ZNF764: variants seen among roughly 807,000 people sequenced by gnomAD.
ZNF764 encodes the protein zinc finger protein 764.
In ZNF764, 10 loss-of-function variants were observed where a neutral mutation model predicts 13.9. The observed-to-expected ratio is 0.72, with a 90% CI of 0.44 to 1.22. ZNF764 has a LOEUF of 1.22. ZNF764 is among the 50% of genes most tolerant of loss of function. ZNF764 has a pLI of 0.00. For synonymous variants in ZNF764, 313 were observed against 255.1 expected, an observed-to-expected ratio of 1.23 and a Z score of -2.16; for missense variants, 647 against 589.7, an observed-to-expected ratio of 1.10 and a Z score of -1.01.
rs923045232 is a variant in ZNF764, at chr16:30,555,103, C to G, written c.*91G>C. 2.1e-6 allele frequency: 3 copies of G among 1,456,886 alleles called. No homozygotes were observed. Among genetic ancestry groups the G allele is most frequent in the Non-Finnish European group, 2.8e-6 (3 of 1,084,594 alleles). 90.2% of individuals were successfully genotyped at this position (1,456,886 alleles called of 1,614,324 possible). ...CCAGGGCCAGCTCTTGCCCTAGATT[C>G]TGGGACCTCCCTGCAGGCCGCCGCA... On this transcript the variant is annotated 3_prime_UTR_variant, in exon 3 of 3. Coordinates refer to ENST00000395091, the MANE Select transcript of ZNF764 (RefSeq NM_001172679.2).
rs1434831443 is a variant in ZNF764 at position 30,555,796 on chromosome 16, C to T, written c.622G>A (p.Gly208Ser). The change falls in exon 3 of 3, where the codon GGC (glycine) becomes AGC (serine). Residue 208 changes from glycine (G) to serine (S), a missense_variant. Gly to Ser is a moderately conservative substitution (Grantham distance 56, BLOSUM62 0). Transcript: ENST00000395091. ...GAGGAAGCGTGGCCGAAGCCCTTGC[C>T]GCAGTCAGTGCAGTGGAAGGGCTTC... is the stretch of plus-strand genomic sequence containing the variant. The part of the protein sequence containing the change: ...GEKPFHCTDC[G>S]KGFGHASSLS... The T allele has an allele frequency of 3.7e-6, 6 of 1,610,804 alleles. No individual in the cohort carries two copies. Among genetic ancestry groups the T allele is most frequent in the Non-Finnish European group, 5.1e-6 (6 of 1,179,816 alleles).
Position 30,558,229 on chromosome 16 carries a change from G to T in ZNF764, c.-47C>A. The stretch of plus-strand genomic sequence containing the variant: ...CGGATCGGCTGCCTCCCCTGGCCTG[G>T]CCTGGGCCTGCGGAACCTCCTGCGC... On this transcript the variant is annotated 5_prime_UTR_variant, in exon 1 of 3. Coordinates refer to ENST00000395091, the MANE Select transcript of ZNF764 (RefSeq NM_001172679.2). 6.7e-7 allele frequency: 1 copy of T among 1,483,762 alleles called. No individual in the cohort carries two copies. The highest frequency in any genetic ancestry group is 1.3e-5 in the South Asian group (1 of 75,264). 91.9% of individuals were successfully genotyped at this position (1,483,762 alleles called of 1,614,324 possible).
rs1191103614 is a variant in ZNF764 at position 30,555,893 on chromosome 16, G to A, written c.525C>T (p.Gly175=). Residue 175 remains glycine (G), a synonymous_variant, in exon 3 of 3, where the codon GGC becomes GGT. Coordinates refer to ENST00000395091, the MANE Select transcript of ZNF764 (RefSeq NM_001172679.2). ...PPVPRADQRH[G]CYVCGKSFAW... is the part of the protein sequence containing the mutation. ...CAAAGCTCTTCCCGCACACGTAGCA[G>A]CCATGACGCTGGTCAGCTCGGGGGA... 2 of 1,612,260 alleles carry A rather than the reference G, an allele frequency of 1.2e-6. No individual in the cohort carries two copies. Among genetic ancestry groups the A allele is most frequent in the Non-Finnish European group, 1.7e-6 (2 of 1,179,340 alleles).
At position 30,555,920 on chromosome 16, in the gene ZNF764, A is replaced by G. The variant is rs766828887; in HGVS notation, c.498T>C (p.Pro166=). The G allele has an allele frequency of 7.9e-7, 1 of 1,266,244 alleles. No individual in the cohort carries two copies. The highest frequency in any genetic ancestry group is 1.9e-5 in the Admixed American group (1 of 53,968). 78.4% of individuals were successfully genotyped at this position (1,266,244 alleles called of 1,614,324 possible). ...CATGACGCTGGTCAGCTCGGGGGAC[A>G]GGGGGGTGGGCACAGAGGGAGGGGC... The part of the protein sequence containing the change: ...RGRPSLCAHP[P]VPRADQRHGC... Residue 166 remains proline (P), a synonymous_variant, in exon 3 of 3, where the codon CCT becomes CCC. Coordinates refer to ENST00000395091, the MANE Select transcript of ZNF764 (RefSeq NM_001172679.2).
chr16:30,554,663 C>G lies in ZNF764; in HGVS notation c.*531G>C, dbSNP rs1313092485. The G allele has an allele frequency of 6.6e-6, 1 of 152,256 alleles. No individual in the cohort carries two copies. The highest frequency in any genetic ancestry group is 6.6e-5 in the Admixed American group (1 of 15,238). 9.4% of individuals were successfully genotyped at this position (152,256 alleles called of 1,614,324 possible). A position where few individuals can be genotyped will look rare whatever the true frequency, so the allele number is the denominator to read the frequency against. ...GGCCGTAGTGTTGCCCGCCTGTAGT[C>G]TCAGATATTTGGAAGGCTGATGGGA... On this transcript the variant is annotated 3_prime_UTR_variant, in exon 3 of 3. Coordinates refer to ENST00000395091, the MANE Select transcript of ZNF764 (RefSeq NM_001172679.2).
At chr16:30,556,962 C>T (rs2051561944) in intron 2 of ZNF764, among the ~76,000 whole-genome samples, 2 of 151,996 alleles carry the variant, frequency 1.3e-5, no homozygotes, top group Admixed American at 1.3e-4. Context: ...TGGTGAAACC[C>T]CATCTCTACT....
rs116464220 is a variant in ZNF764 at position 30,557,582 on chromosome 16, T to C, written c.310+151A>G. 6.8e-3 allele frequency: 8,009 copies of C among 1,185,054 alleles called. 382 individuals are homozygous for C. In the African/African-American group the frequency reaches 0.11, roughly 16 times the overall value. The allele number at this position is 1,185,054 out of a possible 1,614,324, so 73.4% of individuals were successfully genotyped here. Reference sequence around the variant, plus strand: ...TCACAGCTCCTTTCTAGGCTGCATCTGGGAGCCACGCAGGGGCTCAGCCTC... The same window carrying C: ...TCACAGCTCCTTTCTAGGCTGCATCCGGGAGCCACGCAGGGGCTCAGCCTC... On this transcript the variant is annotated intron_variant, in intron 2 of 2. Transcript: ENST00000395091.
At chr16:30,557,045 C>T (rs1446121294) in intron 2 of ZNF764, among the ~76,000 whole-genome samples, 2 of 151,288 alleles carry the variant, frequency 1.3e-5, no homozygotes, top group Non-Finnish European at 2.9e-5. Flanking sequence ...GAGGCTGAGG[C>T]GGGAGAATGG....
chr16:30,557,721 C>CTG lies in ZNF764; in HGVS notation c.310+11_310+12insCA, dbSNP rs2051568419. 6.2e-7 allele frequency: 1 copy of CTG among 1,613,284 alleles called. No individual in the cohort carries two copies. Among genetic ancestry groups the CTG allele is most frequent in the African/African-American group, 1.3e-5 (1 of 74,992 alleles). ...GAGAAGTCCCCATGGGACTGAGCAC[C>CTG]CGATACTCCACCTGGGTCCGTTTGT... On this transcript the variant is annotated intron_variant, in intron 2 of 2. Transcript: ENST00000395091.
At chr16:30,556,146 C>T (rs777035610) in intron 2 of ZNF764, 39 bp from the exon 3 acceptor site, 11 of 1,605,046 alleles carry the variant, frequency 6.9e-6, no homozygotes, top group Non-Finnish European at 7.6e-6. Flanking sequence ...AGGCTCGGCT[C>T]ATCCTGGTCC....
chr16:30,557,671 A>T, intron 2 of ZNF764, 62 bp downstream of exon 2: 1 of 1,590,746 alleles, frequency 6.3e-7, no homozygotes, highest in East Asian at 2.3e-5. Flanking sequence ...GAGGTGGCAG[A>T]GGGTACCGGG....
chr16:30,555,636 G>T lies in ZNF764; in HGVS notation c.782C>A (p.Ala261Asp), dbSNP rs776448500. 3.2e-6 allele frequency: 5 copies of T among 1,539,082 alleles called. No homozygotes were observed. In the South Asian group the frequency reaches 4.8e-5, roughly 15 times the overall value. ...CTGGCTGAAGCGGCGGCCACAGTCG[G>T]CGCAGCCATAGGGTTTCTCGCCGGT... ...VHTGEKPYGCADCGRRFSQSS... is the reference protein window; with the variant it reads ...VHTGEKPYGCDDCGRRFSQSS... Residue 261 changes from alanine (A) to aspartate (D), a missense_variant, in exon 3 of 3, where the codon GCC becomes GAC. Physicochemically the swap from Ala to Asp is moderately radical, Grantham distance 126. Transcript: ENST00000395091.
chr16:30,555,471 C>T lies in ZNF764; in HGVS notation c.947G>A (p.Cys316Tyr), dbSNP rs752584222. Residue 316 changes from cysteine (C) to tyrosine (Y), a missense_variant, in exon 3 of 3, where the codon TGC becomes TAC. Physicochemically the swap from Cys to Tyr is radical, Grantham distance 194 (BLOSUM62 -2). Coordinates refer to ENST00000395091, the MANE Select transcript of ZNF764 (RefSeq NM_001172679.2). ...GCGGAAGCAGCGCCCGCAGTCCGGG[C>T]ACGGGTAGGGCTTCTCGCCGGTGTG... ...RTHTGEKPYP[C>Y]PDCGRCFRQS... 1.3e-6 allele frequency: 2 copies of T among 1,558,136 alleles called. No homozygotes were observed. Among genetic ancestry groups the T allele is most frequent in the East Asian group, 2.3e-5 (1 of 44,164 alleles).
At position 30,555,529 on chromosome 16, in the gene ZNF764, A is replaced by G; in HGVS notation, c.889T>C (p.Tyr297His). 2.6e-6 allele frequency: 4 copies of G among 1,529,702 alleles called. No individual in the cohort carries two copies. The highest frequency in any genetic ancestry group is 3.5e-6 in the Non-Finnish European group (4 of 1,144,636). The allele number at this position is 1,529,702 out of a possible 1,614,324, so 94.8% of individuals were successfully genotyped here. The change falls in exon 3 of 3, where the codon TAC becomes CAC. Residue 297 changes from tyrosine (Y) to histidine (H), a missense_variant. Transcript: ENST00000395091. ...ACGTGGCGCCGCAGGTCCGAGGGGTAGGCGAAGGCGCGGCCACAGTCCGGG... is the reference window on the plus strand; with the variant it reads ...ACGTGGCGCCGCAGGTCCGAGGGGTGGGCGAAGGCGCGGCCACAGTCCGGG... Reference protein sequence around the residue: ...PCPDCGRAFAYPSDLRRHVRT... With the variant: ...PCPDCGRAFAHPSDLRRHVRT...
rs1313309099 is a variant in ZNF764 at position 30,555,664 on chromosome 16, G to A, written c.754C>T (p.His252Tyr). The A allele has an allele frequency of 6.5e-7, 1 of 1,548,806 alleles. No individual in the cohort carries two copies. Among genetic ancestry groups the A allele is most frequent in the Non-Finnish European group, 8.7e-7 (1 of 1,151,108 alleles). Residue 252 changes from histidine to tyrosine, a missense_variant, in exon 3 of 3, where the codon CAC (histidine) becomes TAC (tyrosine). Transcript: ENST00000395091. ...RSALTSHLRV[H>Y]TGEKPYGCAD... ...CAGCCATAGGGTTTCTCGCCGGTGT[G>A]GACGCGCAGGTGCGAAGTCAGCGCC...
Position 30,554,505 on chromosome 16 carries a change from ATGG to A in ZNF764, c.*686_*688del, listed in dbSNP as rs2051531269. 1 of 152,244 alleles carries A rather than the reference ATGG, an allele frequency of 6.6e-6. No individual in the cohort carries two copies. Among genetic ancestry groups the A allele is most frequent in the African/African-American group, 2.4e-5 (1 of 41,404 alleles). 9.4% of individuals were successfully genotyped at this position (152,244 alleles called of 1,614,324 possible). A position where few individuals can be genotyped will look rare whatever the true frequency, so the allele number is the denominator to read the frequency against. On this transcript the variant is annotated 3_prime_UTR_variant, in exon 3 of 3. Transcript: ENST00000395091. Reference sequence around the variant, plus strand: ...CACACAAAGACAATGGAAGCCAGGCATGGTGGTAGCTCACGCCTGTAATCCCAG... The same window carrying A: ...CACACAAAGACAATGGAAGCCAGGCATGGTAGCTCACGCCTGTAATCCCAG...
chr16:30,555,758 G>C lies in ZNF764; in HGVS notation c.660C>G (p.His220Gln), dbSNP rs1282657051. Residue 220 changes from histidine (H) to glutamine (Q), a missense_variant, in exon 3 of 3, where the codon CAC becomes CAG. His to Gln is a conservative substitution (Grantham distance 24). Transcript: ENST00000395091. ...GFGHASSLSKHRAIHRGERPH... is the reference protein window; with the variant it reads ...GFGHASSLSKQRAIHRGERPH... Reference sequence around the variant, plus strand: ...GCCGCTCCCCACGATGGATGGCCCGGTGTTTGCTCAGGGAGGAAGCGTGGC... The same window carrying C: ...GCCGCTCCCCACGATGGATGGCCCGCTGTTTGCTCAGGGAGGAAGCGTGGC... The C allele has an allele frequency of 1.2e-5, 20 of 1,608,018 alleles. No individual in the cohort carries two copies. In the Admixed American group the frequency reaches 2.2e-4, roughly 18 times the overall value.
rs2051577077 is a variant in ZNF764, at chr16:30,558,364, T to C, written c.-182A>G. 3.0e-6 allele frequency: 2 copies of C among 677,798 alleles called. No homozygotes were observed. Among genetic ancestry groups the C allele is most frequent in the Non-Finnish European group, 4.9e-6 (2 of 411,498 alleles). 42.0% of individuals were successfully genotyped at this position (677,798 alleles called of 1,614,324 possible). ...AACGGTGCCGATGGCAGCGGGTGTA[T>C]AATCAGAAATGGAATATGCCCTCAT... On this transcript the variant is annotated 5_prime_UTR_variant, in exon 1 of 3. Coordinates refer to ENST00000395091, the MANE Select transcript of ZNF764 (RefSeq NM_001172679.2).
intron 2 of ZNF764, 35 bp downstream of exon 2, chr16:30,557,698 G>T: frequency 6.2e-7 from 1 of 1,611,226 alleles, no homozygotes; most frequent in Non-Finnish European, 8.5e-7. Flanking sequence ...CAGGAACAGA[G>T]AAGTCCCCAT....
Sources: allele counts gnomAD v4.1 joint callset (sites outside exome capture counted in the v4.1 genomes callset), GRCh38; gene constraint gnomAD v4.1.1; transcripts MANE v1.5; gene names NCBI Gene and HGNC (gene_info 2026-07-23, HGNC 2026-07-21).